The following ACYP2 variants were observed in gnomAD, a reference collection of about 807,000 sequenced individuals.
ACYP2 encodes the protein acylphosphatase-2.
A neutral mutation model predicts 11.2 loss-of-function variants in ACYP2; 12 were observed. The ratio of observed to expected loss-of-function variants is 1.08; its 90% CI spans 0.69 to 1.74. The LOEUF is 1.74. Ranked by LOEUF, ACYP2 falls within the 40% of genes most tolerant of loss-of-function variation. ACYP2 has a pLI of 0.00. For missense variants in ACYP2, 134 were observed against 101.9 expected (o/e 1.31, Z -1.35); for synonymous variants, 43 against 32.2 (o/e 1.33, Z -1.13).
chr2:53,976,541 T>A (rs1285783025), intron 2 of ACYP2, among the ~76,000 whole-genome samples: 1 of 152,178 alleles, frequency 6.6e-6, no homozygotes, highest in East Asian at 1.9e-4. Flanking sequence ...TGAATTAGAA[T>A]GATTCATTGC....
intron 2 of ACYP2, among the ~76,000 whole-genome samples, chr2:54,017,122 G>T (rs1673732177): frequency 2.0e-5 from 3 of 152,254 alleles, no homozygotes; most frequent in Non-Finnish European, 4.4e-5. Context: ...TAGCAGAGGA[G>T]CAAAAGCAAA....
intron 2 of ACYP2, among the ~76,000 whole-genome samples, chr2:54,001,246 A>C (rs1672781506): frequency 6.6e-6 from 1 of 152,078 alleles, no homozygotes; most frequent in South Asian, 2.1e-4. Flanking sequence ...TAGTAGTCCT[A>C]GCCACTTGAG....
intron 6 of ACYP2, among the ~76,000 whole-genome samples, chr2:54,201,490 T>C (rs1684761474): frequency 6.6e-6 from 1 of 152,080 alleles, no homozygotes; most frequent in Non-Finnish European, 1.5e-5. Context: ...AATTTGCAAA[T>C]ATTTTCTCCC....
At chr2:54,235,093 G>T (rs1686413508) in intron 6 of ACYP2, among the ~76,000 whole-genome samples, 1 of 152,072 alleles carries the variant, frequency 6.6e-6, no homozygotes, top group South Asian at 2.1e-4. Context: ...TATTATTTCT[G>T]TATTTGTTTA....
chr2:54,069,001 AC>A lies in ACYP2; in HGVS notation c.277+11642del, dbSNP rs1350987986. 2.6e-5 allele frequency among the ~76,000 whole-genome samples: 4 copies of A among 152,206 alleles called. No homozygotes were observed. In the South Asian group the frequency reaches 8.3e-4, roughly 32 times the overall value. On this transcript the variant is annotated intron_variant, in intron 4 of 6. Coordinates refer to ENST00000607452, the MANE Select transcript of ACYP2 (RefSeq NM_001320586.2). ...GAGTGCAGTGGTGCAATCACAGCTC[AC>A]TGTAGCTTCAAGCTCCTAGGCTCAA...
At chr2:54,138,832 GC>G in intron 6 of ACYP2, 84 bp downstream of exon 3, 1 of 1,144,888 alleles carries the variant, frequency 8.7e-7, no homozygotes, top group Non-Finnish European at 1.3e-6. Flanking sequence ...TTGCTCTGTT[GC>G]CCAGGTTGGA....
intron 6 of ACYP2, among the ~76,000 whole-genome samples, chr2:54,166,001 C>A (rs1682952031): frequency 6.6e-6 from 1 of 152,192 alleles, no homozygotes; most frequent in Admixed American, 6.5e-5. Context: ...TGTGACACTG[C>A]ATTCTAAAAG....
intron 6 of ACYP2, among the ~76,000 whole-genome samples, chr2:54,271,564 C>G (rs1439583664): frequency 6.6e-6 from 1 of 152,092 alleles, no homozygotes; most frequent in Non-Finnish European, 1.5e-5. Flanking sequence ...CATCGGCACC[C>G]ATTCCCTATC....
At chr2:54,167,159 C>A (rs138787458) in intron 6 of ACYP2, among the ~76,000 whole-genome samples, 2 of 152,260 alleles carry the variant, frequency 1.3e-5, no homozygotes, top group East Asian at 3.9e-4. Context: ...CAGTGTATCA[C>A]CACTCATTTC....
chr2:54,264,201 G>A (rs781284751), intron 6 of ACYP2, among the ~76,000 whole-genome samples: 1 of 152,156 alleles, frequency 6.6e-6, no homozygotes, highest in Non-Finnish European at 1.5e-5. Context: ...GAGTGAAGCC[G>A]CAGACCTTCT....
At chr2:54,093,822 C>T (rs1217659396) in intron 4 of ACYP2, among the ~76,000 whole-genome samples, 1 of 152,102 alleles carries the variant, frequency 6.6e-6, no homozygotes, top group Non-Finnish European at 1.5e-5. Context: ...CGCCTGTAGT[C>T]CCAGCTACTC....
chr2:54,100,158 A>G (rs1199568134), intron 4 of ACYP2, among the ~76,000 whole-genome samples: 3 of 150,224 alleles, frequency 2.0e-5, no homozygotes, highest in South Asian at 4.1e-4. Flanking sequence ...AAAATAATAA[A>G]TGAACATTTA....
intron 5 of ACYP2, among the ~76,000 whole-genome samples, chr2:54,135,697 G>A (rs149949865): frequency 8.5e-5 from 13 of 152,200 alleles, no homozygotes; most frequent in African/African-American, 3.1e-4. Context: ...ATATTCAAAA[G>A]TACCTCTCTT....
chr2:54,111,766 A>C (rs1679474162), intron 4 of ACYP2, among the ~76,000 whole-genome samples: 1 of 152,274 alleles, frequency 6.6e-6, no homozygotes, highest in African/African-American at 2.4e-5. Flanking sequence ...CTTTCAACAT[A>C]ATGATTACAA....
intron 6 of ACYP2, among the ~76,000 whole-genome samples, chr2:54,155,832 T>G (rs1008011766): frequency 3.9e-5 from 6 of 152,220 alleles, no homozygotes; most frequent in Non-Finnish European, 8.8e-5. Context: ...CATTGGTTGT[T>G]TAGTAACATG....
intron 6 of ACYP2, among the ~76,000 whole-genome samples, chr2:54,219,772 C>A (rs947497419): frequency 4.0e-5 from 6 of 150,356 alleles, no homozygotes; most frequent in Admixed American, 4.0e-4. Context: ...GTGTGCGCCA[C>A]CACACCCAGC....
In ACYP2 at chr2:54,158,745, G is replaced by A. The variant is rs989595085; in HGVS notation, c.404+19997G>A. 3.9e-5 allele frequency among the ~76,000 whole-genome samples: 6 copies of A among 152,064 alleles called. No homozygotes were observed. In the East Asian group the frequency reaches 7.7e-4, roughly 19 times the overall value. Reference sequence around the variant, plus strand: ...AACATACTGAGTAAACTAAGGCCTCGTGGCTGAGGAAGTTTTGCTCTCTTC... The same window carrying A: ...AACATACTGAGTAAACTAAGGCCTCATGGCTGAGGAAGTTTTGCTCTCTTC... On this transcript the variant is annotated intron_variant, in intron 6 of 6. Coordinates refer to ENST00000607452, the MANE Select transcript of ACYP2 (RefSeq NM_001320586.2).
At chr2:54,048,441 A>T (rs1465030420) in intron 2 of ACYP2, among the ~76,000 whole-genome samples, 3 of 152,182 alleles carry the variant, frequency 2.0e-5, no homozygotes, top group Non-Finnish European at 4.4e-5. Flanking sequence ...AAGAAAAAAA[A>T]ATTAACCATG....
At chr2:54,007,132 C>T (rs35394808) in intron 2 of ACYP2, among the ~76,000 whole-genome samples, 1 of 79,004 alleles carries the variant, frequency 1.3e-5, no homozygotes, top group African/African-American at 5.8e-5. Flanking sequence ...GAGAGAGACT[C>T]TGTGTCAAAA....
Sources: allele counts gnomAD v4.1 joint callset (sites outside exome capture counted in the v4.1 genomes callset), GRCh38; gene constraint gnomAD v4.1.1; transcripts MANE v1.5; gene names NCBI Gene and HGNC (gene_info 2026-07-23, HGNC 2026-07-21).